Variants in SCAI observed in about 807,000 individuals in gnomAD.
SCAI encodes protein SCAI.
Under a neutral mutation model 92.2 loss-of-function variants are expected in SCAI, and 24 were observed. The observed-to-expected ratio is 0.26, with a 90% CI of 0.19 to 0.37. SCAI has a LOEUF of 0.37. Ranked by LOEUF, SCAI falls within the 10% of genes least tolerant of loss-of-function variation. The pLI is 1.00. For missense variants in SCAI, 450 were observed against 736.2 expected, an observed-to-expected ratio of 0.61 and a Z score of 4.50; for synonymous variants, 261 against 258.6, an observed-to-expected ratio of 1.01 and a Z score of -0.09.
rs2131556290 is a variant in SCAI, at chr9:124,943,144, A to G, written c.*9663T>C. 6.6e-6 allele frequency: 1 copy of G among 152,384 alleles called. No individual in the cohort carries two copies. Among genetic ancestry groups the G allele is most frequent in the South Asian group, 2.1e-4 (1 of 4,828 alleles). 9.4% of individuals were successfully genotyped at this position (152,384 alleles called of 1,614,324 possible). A position where few individuals can be genotyped will look rare whatever the true frequency, so the allele number is the denominator to read the frequency against. On this transcript the variant is annotated 3_prime_UTR_variant, in exon 18 of 18. Transcript: ENST00000336505. ...GTTTAAGAGAACGTATGGCTTAAGC[A>G]ATTTAGAACACAACTGACAAGACTT...
chr9:125,039,937 T>C (rs1179513183), intron 3 of SCAI, among the ~76,000 whole-genome samples: 2 of 152,190 alleles, frequency 1.3e-5, no homozygotes, highest in African/African-American at 4.8e-5. Context: ...TTTCTTTCCT[T>C]TTCAATTATG....
intron 17 of SCAI, among the ~76,000 whole-genome samples, chr9:124,957,168 AT>A (rs1831329714): frequency 6.6e-6 from 1 of 151,324 alleles, no homozygotes; most frequent in Non-Finnish European, 1.5e-5. Context: ...AATTTTTTGT[AT>A]TTTTTGTAGA....
intron 17 of SCAI, among the ~76,000 whole-genome samples, chr9:124,965,232 T>C (rs1213658413): frequency 1.3e-5 from 2 of 152,172 alleles, no homozygotes; most frequent in Admixed American, 6.5e-5. Context: ...TATGTCTTTT[T>C]TTTGTGTGTA....
chr9:125,036,689 T>C (rs1320079504), intron 3 of SCAI, among the ~76,000 whole-genome samples: 1 of 152,254 alleles, frequency 6.6e-6, no homozygotes, highest in Non-Finnish European at 1.5e-5. Flanking sequence ...AAGGTATGTA[T>C]AGAGTAAGTC....
intron 2 of SCAI, among the ~76,000 whole-genome samples, chr9:125,127,062 T>C (rs755372524): frequency 6.6e-6 from 1 of 151,394 alleles, no homozygotes; most frequent in Non-Finnish European, 1.5e-5. Context: ...GCAATTTATC[T>C]GAGAAGAAGG....
chr9:124,973,146 T>G (rs779549332), intron 15 of SCAI, among the ~76,000 whole-genome samples: 3 of 152,236 alleles, frequency 2.0e-5, no homozygotes, highest in Non-Finnish European at 4.4e-5. Flanking sequence ...TAAAGGTAAC[T>G]TTACATAATA....
At chr9:125,121,659 T>C (rs1181257686) in intron 2 of SCAI, among the ~76,000 whole-genome samples, 3 of 152,090 alleles carry the variant, frequency 2.0e-5, no homozygotes, top group African/African-American at 7.2e-5. Context: ...GAGACCAGCC[T>C]GGCCAACATG....
chr9:124,970,858 A>T (rs1831644489), intron 17 of SCAI, among the ~76,000 whole-genome samples: 1 of 152,056 alleles, frequency 6.6e-6, no homozygotes, highest in Non-Finnish European at 1.5e-5. Flanking sequence ...CTTGTCGTCC[A>T]GGCTGGAGTG....
chr9:125,018,733 C>A, intron 9 of SCAI, 66 bp downstream of exon 9: 1 of 1,349,044 alleles, frequency 7.4e-7, no homozygotes, highest in South Asian at 1.3e-5. Flanking sequence ...GAAAATAATT[C>A]TGTGATCATC....
chr9:125,084,470 GGCT>G (rs1206518352), intron 2 of SCAI, among the ~76,000 whole-genome samples: 3 of 151,892 alleles, frequency 2.0e-5, no homozygotes, highest in African/African-American at 7.3e-5. Context: ...GCGCCCGGCC[GGCT>G]GCTGCTTTTT....
At chr9:125,141,836 T>C (rs1835673173) in intron 2 of SCAI, among the ~76,000 whole-genome samples, 1 of 152,246 alleles carries the variant, frequency 6.6e-6, no homozygotes, top group South Asian at 2.1e-4. Flanking sequence ...TGACACTACA[T>C]ATTCTCTTAG....
At chr9:125,053,898 G>A (rs902367115) in intron 3 of SCAI, among the ~76,000 whole-genome samples, 3 of 152,208 alleles carry the variant, frequency 2.0e-5, no homozygotes, top group Non-Finnish European at 2.9e-5. Flanking sequence ...GAGAGCCCAT[G>A]TGCCAGAAGT....
At position 125,058,492 on chromosome 9, in the gene SCAI, G is replaced by T. The variant is rs192072634; in HGVS notation, c.99-2485C>A. Among the ~76,000 whole-genome samples the T allele has an allele frequency of 2.2e-4, 33 of 152,268 alleles. 1 individual carries two copies. In the East Asian group the frequency reaches 6.4e-3, roughly 29 times the overall value. ...ATCATGCCACTGTACTTCAGCCTGG[G>T]CGACAGAACGAGACTGCGTTTCAAA... On this transcript the variant is annotated intron_variant, in intron 2 of 17. Transcript: ENST00000336505.
intron 14 of SCAI, 95 bp downstream of exon 14, chr9:124,994,834 TAAATA>T (rs1832205147): frequency 3.0e-6 from 2 of 670,538 alleles, no homozygotes; most frequent in Admixed American, 2.9e-5. Flanking sequence ...TGTGTAAAAT[TAAATA>T]AAATAAAGCA....
chr9:125,025,415 T>C (rs1414244132), intron 6 of SCAI, among the ~76,000 whole-genome samples: 1 of 152,230 alleles, frequency 6.6e-6, no homozygotes, highest in African/African-American at 2.4e-5. Context: ...CAATTTCCCT[T>C]TTGTCAAATT....
At chr9:124,961,492 A>G (rs1418960046) in intron 17 of SCAI, among the ~76,000 whole-genome samples, 1 of 151,838 alleles carries the variant, frequency 6.6e-6, no homozygotes, top group Non-Finnish European at 1.5e-5. Flanking sequence ...TCTACTAAAA[A>G]TACAAAAATT....
At chr9:124,974,811 G>A (rs1337425722) in intron 15 of SCAI, among the ~76,000 whole-genome samples, 2 of 152,144 alleles carry the variant, frequency 1.3e-5, no homozygotes, top group African/African-American at 4.8e-5. Flanking sequence ...TATTCTATGA[G>A]GTAGATACTA....
chr9:124,952,369 T>A lies in SCAI; in HGVS notation c.*438A>T, dbSNP rs927548682. 2 of 152,624 alleles carry A rather than the reference T, an allele frequency of 1.3e-5. No homozygotes were observed. Among genetic ancestry groups the A allele is most frequent in the Non-Finnish European group, 2.9e-5 (2 of 68,324 alleles). The allele number at this position is 152,624 out of a possible 1,614,324, so 9.5% of individuals were successfully genotyped here. On this transcript the variant is annotated 3_prime_UTR_variant, in exon 18 of 18. Coordinates refer to ENST00000336505, the MANE Select transcript of SCAI (RefSeq NM_001144877.3). ...GAGAAAAAATATATTATGGAGGGAC[T>A]CTGTTCTTGATTTTCAGTAGTCCAT...
chr9:124,997,893 AAAAG>A (rs1186775423), intron 13 of SCAI, among the ~76,000 whole-genome samples: 1 of 150,144 alleles, frequency 6.7e-6, no homozygotes, highest in East Asian at 1.9e-4. Context: ...AAAAAAAAAG[AAAAG>A]AAAAGAAAAA....
Sources: allele counts gnomAD v4.1 joint callset (sites outside exome capture counted in the v4.1 genomes callset), GRCh38; gene constraint gnomAD v4.1.1; transcripts MANE v1.5; gene names NCBI Gene and HGNC (gene_info 2026-07-23, HGNC 2026-07-21).